Variants in ARSB observed in about 807,000 individuals in gnomAD.
ARSB encodes the protein N-acetylgalactosamine-4-sulfatase.
ARSB carries 41 observed loss-of-function variants against 50.9 expected under a neutral mutation model. The ratio of observed to expected loss-of-function variants is 0.81; its 90% CI spans 0.63 to 1.04. ARSB has a LOEUF of 1.04. Ranked by LOEUF, ARSB falls within the 50% of genes least tolerant of loss-of-function variation. ARSB has a pLI of 0.00. For missense variants in ARSB, 672 were observed against 693.3 expected, an observed-to-expected ratio of 0.97 and a Z score of 0.35; for synonymous variants, 269 against 284.8, an observed-to-expected ratio of 0.94 and a Z score of 0.56.
intron 4 of ARSB, among the ~76,000 whole-genome samples, chr5:78,923,842 A>G (rs924250608): frequency 6.6e-6 from 1 of 152,192 alleles, no homozygotes; most frequent in African/African-American, 2.4e-5. Flanking sequence ...TGTTGAGTCT[A>G]CAGTTTTCTC....
At chr5:78,964,243 C>A (rs1410702222) in intron 3 of ARSB, among the ~76,000 whole-genome samples, 173 bp downstream of exon 3, 1 of 152,206 alleles carries the variant, frequency 6.6e-6, no homozygotes, top group African/African-American at 2.4e-5. Flanking sequence ...CTCCAGGAAT[C>A]TTCCTTTTTA....
At chr5:78,869,331 A>C (rs1157086192) in intron 5 of ARSB, among the ~76,000 whole-genome samples, 2,329 of 137,292 alleles carry the variant, frequency 0.017, 52 homozygotes, top group African/African-American at 0.059. Context: ...CATCTACAGA[A>C]CTCTCCACCC....
rs1491359597 is a variant in ARSB, at chr5:78,841,159, C to CTAATAATAATAATAATAA, written c.1143-1734_1143-1733insTTATTATTATTATTATTA. 2.6e-3 allele frequency among the ~76,000 whole-genome samples: 244 copies of CTAATAATAATAATAATAA among 94,174 alleles called. 1 individual carries two copies. The highest frequency in any genetic ancestry group is 4.2e-3 in the Non-Finnish European group (169 of 40,152). The allele number at this position is 94,174 out of a possible 152,430, so 61.8% of individuals were successfully genotyped here. On this transcript the variant is annotated intron_variant, in intron 5 of 7. Coordinates refer to ENST00000264914, the MANE Select transcript of ARSB (RefSeq NM_000046.5). ...ACTACTACTACTACTACTACTACTA[C>CTAATAATAATAATAATAA]TACTACTACTAATAATAATAATAAT...
chr5:78,935,991 CTCCTT>C lies in ARSB; in HGVS notation c.898+19299_898+19303del, dbSNP rs1750569154. Among the ~76,000 whole-genome samples, 3 of 30,454 alleles carry C rather than the reference CTCCTT, an allele frequency of 9.9e-5. No homozygotes were observed. In the South Asian group the frequency reaches 4.8e-3, roughly 49 times the overall value. 20.0% of individuals were successfully genotyped at this position (30,454 alleles called of 152,430 possible). ...TCCCTTCCTTCCTTCCTTTTCTTTC[CTCCTT>C]TCTTTTCTTTCTGTCTTTCTCTCTG... is the stretch of plus-strand genomic sequence containing the variant. On this transcript the variant is annotated intron_variant, in intron 4 of 7. Coordinates refer to ENST00000264914, the MANE Select transcript of ARSB (RefSeq NM_000046.5).
chr5:78,959,109 G>T (rs1381447759), intron 3 of ARSB, among the ~76,000 whole-genome samples: 1 of 152,144 alleles, frequency 6.6e-6, no homozygotes, highest in Non-Finnish European at 1.5e-5. Flanking sequence ...AATCATGGGG[G>T]TGGTTACCCC....
chr5:78,974,009 G>A (rs1752562740), intron 1 of ARSB, among the ~76,000 whole-genome samples: 1 of 152,206 alleles, frequency 6.6e-6, no homozygotes, highest in East Asian at 1.9e-4. Context: ...CACAGAACAT[G>A]CTGGTGGCAA....
At chr5:78,853,370 G>A (rs1432437822) in intron 5 of ARSB, among the ~76,000 whole-genome samples, 6 of 152,088 alleles carry the variant, frequency 3.9e-5, no homozygotes, top group Admixed American at 1.3e-4. Flanking sequence ...GCAGAACAGC[G>A]GATTTTCGTG....
At chr5:78,979,148 A>C (rs1256311498) in intron 1 of ARSB, among the ~76,000 whole-genome samples, 2 of 152,248 alleles carry the variant, frequency 1.3e-5, no homozygotes, top group Non-Finnish European at 2.9e-5. Flanking sequence ...GAGAAGATAA[A>C]TTACCCAATT....
At chr5:78,892,793 TG>T (rs1748375460) in intron 4 of ARSB, among the ~76,000 whole-genome samples, 1 of 152,208 alleles carries the variant, frequency 6.6e-6, no homozygotes, top group African/African-American at 2.4e-5. Flanking sequence ...GGGTTTAAAA[TG>T]GTTTGCAGCA....
chr5:78,909,504 T>G (rs1451786159), intron 4 of ARSB, among the ~76,000 whole-genome samples: 1 of 152,168 alleles, frequency 6.6e-6, no homozygotes, highest in East Asian at 1.9e-4. Context: ...TGCCCCAACC[T>G]TGAGCTCACA....
intron 5 of ARSB, among the ~76,000 whole-genome samples, chr5:78,850,628 G>A (rs1214843655): frequency 2.6e-5 from 4 of 152,310 alleles, no homozygotes; most frequent in African/African-American, 4.8e-5. Flanking sequence ...AGTTTCAGAA[G>A]GAATGGTACC....
At chr5:78,932,958 C>G (rs1422693598) in intron 4 of ARSB, among the ~76,000 whole-genome samples, 3 of 152,322 alleles carry the variant, frequency 2.0e-5, no homozygotes, top group African/African-American at 7.2e-5. Flanking sequence ...CCCCTCCCTA[C>G]TACGAAACAG....
intron 5 of ARSB, among the ~76,000 whole-genome samples, chr5:78,843,750 T>A (rs1420636055): frequency 6.6e-6 from 1 of 152,224 alleles, no homozygotes; most frequent in Admixed American, 6.5e-5. Context: ...CGATTGTTAA[T>A]CTGTCTCTAC....
intron 4 of ARSB, among the ~76,000 whole-genome samples, chr5:78,917,961 C>G (rs1242752604): frequency 6.6e-6 from 1 of 152,216 alleles, no homozygotes; most frequent in African/African-American, 2.4e-5. Context: ...ACAACTCAAA[C>G]AGTCACCACA....
chr5:78,786,716 C>T lies in ARSB; in HGVS notation c.1214-4742G>A, dbSNP rs149410858. On this transcript the variant is annotated intron_variant, in intron 6 of 7. Coordinates refer to ENST00000264914, the MANE Select transcript of ARSB (RefSeq NM_000046.5). ...CTCACTGCATCCTTAAACTCCTAGGCTCAAGCGATCCTCTCACCTTAGCCT... is the reference window on the plus strand; with the variant it reads ...CTCACTGCATCCTTAAACTCCTAGGTTCAAGCGATCCTCTCACCTTAGCCT... Among the ~76,000 whole-genome samples the T allele has an allele frequency of 4.0e-3, 602 of 152,322 alleles. 10 individuals are homozygous for T. The highest frequency in any genetic ancestry group is 0.014 in the African/African-American group (576 of 41,578).
At chr5:78,940,496 T>C (rs1484416066) in intron 4 of ARSB, among the ~76,000 whole-genome samples, 1 of 152,362 alleles carries the variant, frequency 6.6e-6, no homozygotes. Flanking sequence ...TTCAGCTTTC[T>C]ACATATGGCT....
chr5:78,957,442 C>T (rs936101117), intron 3 of ARSB, among the ~76,000 whole-genome samples: 3 of 152,140 alleles, frequency 2.0e-5, no homozygotes, highest in Admixed American at 6.5e-5. Flanking sequence ...CTCAGAAATA[C>T]GTTTTCCCTA....
chr5:78,849,020 G>C (rs888670209), intron 5 of ARSB, among the ~76,000 whole-genome samples: 1 of 152,208 alleles, frequency 6.6e-6, no homozygotes, highest in African/African-American at 2.4e-5. Context: ...AAGGTTGCCT[G>C]TTCACTTTGA....
chr5:78,839,260 G>GA (rs1029296530), intron 6 of ARSB, 96 bp downstream of exon 6: 1 of 1,237,392 alleles, frequency 8.1e-7, no homozygotes, highest in Non-Finnish European at 1.2e-6. Flanking sequence ...AGCAACTCAG[G>GA]AAAAAAGAGA....
Sources: gnomAD v4.1 joint callset for allele counts (sites outside exome capture counted in the v4.1 genomes callset) on GRCh38, gnomAD v4.1.1 for gene constraint, MANE v1.5 for transcripts, NCBI Gene and HGNC (gene_info 2026-07-23, HGNC 2026-07-21) for gene names.